LINGO1: variants seen among roughly 807,000 people sequenced by gnomAD.
LINGO1 encodes leucine-rich repeat and immunoglobulin-like domain-containing nogo receptor-interacting protein 1.
LINGO1 carries 11 observed loss-of-function variants against 37.3 expected under a neutral mutation model. The observed-to-expected ratio is 0.29, with a 90% CI of 0.19 to 0.49. The LOEUF (loss-of-function observed/expected upper bound fraction) is 0.49. Ranked by LOEUF, LINGO1 falls within the 20% of genes least tolerant of loss-of-function variation. The pLI is 0.99. For missense variants in LINGO1, 585 were observed against 878.2 expected (o/e 0.67, Z 4.22); for synonymous variants, 387 against 403.0 (o/e 0.96, Z 0.48).
rs184075458 is a variant in LINGO1, at chr15:77,801,771, G to A, written c.-457-5718C>T. ...TAGGGCTCTAGGACCAGTTTGAGAA[G>A]CTCAGCTGGAGACTGTGGAACCCAT... On this transcript the variant is annotated intron_variant, in intron 1 of 5. Transcript: ENST00000562933. 3.7e-3 allele frequency among the ~76,000 whole-genome samples: 558 copies of A among 152,258 alleles called. 4 individuals are homozygous for A. The highest frequency in any genetic ancestry group is 5.5e-3 in the Non-Finnish European group (376 of 68,022).
In LINGO1 at chr15:77,664,174, C is replaced by CGCGCGCGCGCGCGCGCGT. The variant is rs1555527601; in HGVS notation, c.-13+12914_-13+12915insACGCGCGCGCGCGCGCGC. On this transcript the variant is annotated intron_variant, in intron 3 of 3. Transcript: ENST00000559893. Reference sequence around the variant, plus strand: ...GTGTGTGTGTGTGTGTGTGTGTGCGCGCGCGCATGCGTTTGCATTCTCAGC... The same window carrying CGCGCGCGCGCGCGCGCGT: ...GTGTGTGTGTGTGTGTGTGTGTGCGCGCGCGCGCGCGCGCGCGTGCGCGCATGCGTTTGCATTCTCAGC... Among the ~76,000 whole-genome samples, 95 of 100,448 alleles carry CGCGCGCGCGCGCGCGCGT rather than the reference C, an allele frequency of 9.5e-4. 1 individual carries two copies. The highest frequency in any genetic ancestry group is 3.3e-3 in the African/African-American group (89 of 27,268). 65.9% of individuals were successfully genotyped at this position (100,448 alleles called of 152,430 possible). A position where few individuals can be genotyped will look rare whatever the true frequency, so the allele number is the denominator to read the frequency against.
At chr15:77,686,782 A>G (rs2075518304) in intron 2 of LINGO1, among the ~76,000 whole-genome samples, 1 of 152,154 alleles carries the variant, frequency 6.6e-6, no homozygotes, top group Non-Finnish European at 1.5e-5. Context: ...TGCCAGAGGA[A>G]CACTCTGAAT....
At chr15:77,641,066 A>C (rs1367688943) in intron 3 of LINGO1, among the ~76,000 whole-genome samples, 1 of 152,130 alleles carries the variant, frequency 6.6e-6, no homozygotes, top group Non-Finnish European at 1.5e-5. Flanking sequence ...AGGTACACGG[A>C]AGGTAGAGGC....
At chr15:77,665,580 G>T (rs569414758) in intron 3 of LINGO1, among the ~76,000 whole-genome samples, 1 of 152,348 alleles carries the variant, frequency 6.6e-6, no homozygotes, top group South Asian at 2.1e-4. Context: ...CCCAAGCCCA[G>T]GTGGCCCTTT....
intron 2 of LINGO1, among the ~76,000 whole-genome samples, chr15:77,677,703 C>A (rs574959906): frequency 6.6e-5 from 10 of 152,232 alleles, no homozygotes; most frequent in African/African-American, 2.4e-4. Context: ...TGGCAGCTGA[C>A]CCCGCCTTGG....
Position 77,615,137 on chromosome 15 carries a change from G to A in LINGO1, c.770C>T (p.Pro257Leu). 6.2e-7 allele frequency: 1 copy of A among 1,614,014 alleles called. No homozygotes were observed. The highest frequency in any genetic ancestry group is 8.5e-7 in the Non-Finnish European group (1 of 1,179,904). ...SHWPYLDTMT[P>L]NCLYGLNLTS... is the part of the protein sequence containing the mutation. ...CAGGTTGAGGCCGTAGAGGCAGTTG[G>A]GTGTCATGGTGTCCAAGTAGGGCCA... Residue 257 changes from proline (P) to leucine (L), a missense_variant, in exon 2 of 2, where the codon CCC (proline) becomes CTC (leucine). By Grantham distance (98) the Pro-to-Leu change is moderately conservative. Around this residue, in one of 4 missense-constraint regions of LINGO1, gnomAD observed 484 missense variants for 735.0 expected, o/e 0.66. Coordinates refer to ENST00000355300, the MANE Select transcript of LINGO1 (RefSeq NM_032808.7).
chr15:77,735,910 T>C (rs961532003), intron 1 of LINGO1, among the ~76,000 whole-genome samples: 7 of 152,316 alleles, frequency 4.6e-5, no homozygotes, highest in Admixed American at 2.0e-4. Flanking sequence ...ATAGTGGAAA[T>C]GTGGTTTCTG....
intron 3 of LINGO1, chr15:77,666,918 A>G (rs1194713233): frequency 1.3e-5 from 2 of 152,240 alleles, no homozygotes; most frequent in Non-Finnish European, 2.9e-5. Context: ...TGAGGAACTC[A>G]GCCTCTCTGA....
intron 2 of LINGO1, among the ~76,000 whole-genome samples, chr15:77,678,387 G>A (rs1327591499): frequency 6.6e-6 from 1 of 152,180 alleles, no homozygotes; most frequent in Non-Finnish European, 1.5e-5. Context: ...TGTTCCTGTT[G>A]TTTTGCGTTT....
At chr15:77,762,691 C>T (rs1470065896) in intron 1 of LINGO1, among the ~76,000 whole-genome samples, 1 of 152,196 alleles carries the variant, frequency 6.6e-6, no homozygotes, top group Non-Finnish European at 1.5e-5. Context: ...TCCTATCTAT[C>T]TGGTGAATAC....
At chr15:77,767,115 G>C (rs2076537865) in intron 1 of LINGO1, among the ~76,000 whole-genome samples, 1 of 152,154 alleles carries the variant, frequency 6.6e-6, no homozygotes, top group African/African-American at 2.4e-5. Context: ...AAAAAACATG[G>C]ATTTCCAATT....
chr15:77,811,749 A>AT (rs2077007512), intron 1 of LINGO1, among the ~76,000 whole-genome samples: 1 of 152,348 alleles, frequency 6.6e-6, no homozygotes, highest in East Asian at 1.9e-4. Flanking sequence ...ATTTTATCTT[A>AT]TTTTTTAGAG....
At chr15:77,789,667 G>A (rs1355498522), upstream of LINGO1, among the ~76,000 whole-genome samples, 1 of 152,152 alleles carries the variant, frequency 6.6e-6, no homozygotes, top group African/African-American at 2.4e-5. Flanking sequence ...TGGCAATGTG[G>A]CCATGTAAAG....
intron 3 of LINGO1, among the ~76,000 whole-genome samples, chr15:77,661,840 G>C (rs2075000915): frequency 6.6e-6 from 1 of 152,226 alleles, no homozygotes; most frequent in African/African-American, 2.4e-5. Flanking sequence ...CAGTTTCCCT[G>C]TGTGGACAAG....
rs1438561990 is a variant in LINGO1 at position 77,613,794 on chromosome 15, G to A, written c.*250C>T. 1.0e-5 allele frequency: 5 copies of A among 478,690 alleles called. No homozygotes were observed. Among genetic ancestry groups the A allele is most frequent in the African/African-American group, 1.9e-5 (1 of 52,578 alleles). 29.7% of individuals were successfully genotyped at this position (478,690 alleles called of 1,614,324 possible). ...TGACTCTGCCGCGTGTCGGTTCGTC[G>A]GCTTTCAACTCCAGTCTGTCAATGC... On this transcript the variant is annotated 3_prime_UTR_variant, in exon 2 of 2. Transcript: ENST00000355300.
chr15:77,671,800 T>G (rs1241854781), intron 3 of LINGO1, among the ~76,000 whole-genome samples: 2 of 152,122 alleles, frequency 1.3e-5, no homozygotes, highest in Non-Finnish European at 2.9e-5. Flanking sequence ...CCTGGCAGGG[T>G]GGACTGGCCC....
At chr15:77,683,124 C>A (rs115934473) in intron 2 of LINGO1, among the ~76,000 whole-genome samples, 72 of 152,266 alleles carry the variant, frequency 4.7e-4, no homozygotes, top group Middle Eastern at 3.4e-3. Flanking sequence ...AAAAACTGCA[C>A]GAAAAGATGC....
At chr15:77,813,171 T>A (rs150309581) in intron 1 of LINGO1, among the ~76,000 whole-genome samples, 1 of 152,174 alleles carries the variant, frequency 6.6e-6, no homozygotes, top group Non-Finnish European at 1.5e-5. Flanking sequence ...GTAAAGCTGA[T>A]ACACTGCTCT....
Position 77,615,776 on chromosome 15 carries a change from G to A in LINGO1, c.131C>T (p.Pro44Leu), listed in dbSNP as rs1164446608. The stretch of plus-strand genomic sequence containing the variant: ...GTCCTGGGCGGAGCACTCGCAGCGG[G>A]GCGGGCAGCCCGTGGCCGAGCCTGA... Reference protein sequence around the residue: ...VLSGSATGCPPRCECSAQDRA... With the variant: ...VLSGSATGCPLRCECSAQDRA... Residue 44 changes from proline (P) to leucine (L), a missense_variant, in exon 2 of 2, where the codon CCC becomes CTC. Transcript: ENST00000355300. 2 of 1,574,342 alleles carry A rather than the reference G, an allele frequency of 1.3e-6. No homozygotes were observed. The highest frequency in any genetic ancestry group is 2.3e-5 in the South Asian group (2 of 87,002).
Sources: allele counts gnomAD v4.1 joint callset (sites outside exome capture counted in the v4.1 genomes callset), GRCh38; gene constraint gnomAD v4.1.1; regional missense constraint gnomAD v4.1.1; transcripts MANE v1.5; gene names NCBI Gene and HGNC (gene_info 2026-07-23, HGNC 2026-07-21).